EYS: variants seen among roughly 807,000 people sequenced by gnomAD.
EYS encodes the protein protein eyes shut homolog.
Under a neutral mutation model 282.1 loss-of-function variants are expected in EYS, and 250 were observed. The observed-to-expected ratio is 0.89, with a 90% confidence interval of 0.80 to 0.98. The LOEUF is 0.98. Ranked by LOEUF, EYS falls within the 50% of genes least tolerant of loss-of-function variation. The probability of loss-of-function intolerance (pLI) is 0.00; values close to 1 mark genes in which losing one functional copy is unlikely to be tolerated. For synonymous variants in EYS, 1,355 were observed against 1,282.9 expected, an observed-to-expected ratio of 1.06 and a Z score of -1.20; for missense variants, 4,016 against 3,709.0, an observed-to-expected ratio of 1.08 and a Z score of -2.15.
intron 31 of EYS, among the ~76,000 whole-genome samples, chr6:64,201,365 T>G (rs1765456833): frequency 6.6e-6 from 1 of 152,100 alleles, no homozygotes; most frequent in Admixed American, 6.6e-5. Context: ...TGGGGCAAAA[T>G]AGTGAGCTAT....
chr6:65,259,854 C>G (rs1767571293), intron 12 of EYS, among the ~76,000 whole-genome samples: 2 of 152,100 alleles, frequency 1.3e-5, no homozygotes, highest in Admixed American at 1.3e-4. Flanking sequence ...CATAGTGACA[C>G]TCCAGTTCTG....
In EYS at chr6:64,436,233, A is replaced by G; in HGVS notation, c.5868T>C (p.Phe1956=). 1 of 1,544,276 alleles carries G rather than the reference A, an allele frequency of 6.5e-7. No individual in the cohort carries two copies. Among genetic ancestry groups the G allele is most frequent in the Non-Finnish European group, 8.8e-7 (1 of 1,142,324 alleles). ...CTCTAACAGTAGTATTAATGCTTTT[A>G]AATTTTGCTTCACCAGGACAGTAAA... ...YHFYCPGEAK[F]KSINTTVRVD... Residue 1956 remains phenylalanine (F), a synonymous_variant, in exon 28 of 43, where the codon TTT becomes TTC. Transcript: ENST00000503581.
intron 2 of EYS, among the ~76,000 whole-genome samples, chr6:65,567,615 C>A (rs1582465102): frequency 1.3e-5 from 2 of 152,100 alleles, no homozygotes; most frequent in East Asian, 3.9e-4. Flanking sequence ...GGAAATGTAT[C>A]ATTATTTTAT....
At chr6:63,905,319 CTT>C (rs1217913218) in intron 35 of EYS, among the ~76,000 whole-genome samples, 1 of 132,820 alleles carries the variant, frequency 7.5e-6, no homozygotes, top group Non-Finnish European at 1.6e-5. Context: ...AAGGGGATTT[CTT>C]TTTTTTTCTT....
chr6:64,541,741 G>T (rs1303906199), intron 26 of EYS, among the ~76,000 whole-genome samples: 1 of 152,058 alleles, frequency 6.6e-6, no homozygotes, highest in Non-Finnish European at 1.5e-5. Context: ...ATCCTACTGA[G>T]ACATCATTTC....
At chr6:65,383,543 G>T (rs1765693745) in intron 8 of EYS, among the ~76,000 whole-genome samples, 5 of 150,276 alleles carry the variant, frequency 3.3e-5, no homozygotes, top group Non-Finnish European at 1.5e-5. Context: ...CTATCTTCAT[G>T]TTGTATTTAT....
chr6:65,232,959 C>G (rs144710685), intron 12 of EYS, among the ~76,000 whole-genome samples: 254 of 152,194 alleles, frequency 1.7e-3, no homozygotes, highest in African/African-American at 5.7e-3. Context: ...TCACATGTGT[C>G]AGTACTATTA....
At chr6:64,431,279 A>C (rs924252579) in intron 28 of EYS, among the ~76,000 whole-genome samples, 1 of 151,978 alleles carries the variant, frequency 6.6e-6, no homozygotes, top group Admixed American at 6.6e-5. Context: ...TCTATGCCCA[A>C]ATTTTCTCTT....
chr6:63,875,798 C>A (rs998220216), intron 35 of EYS, among the ~76,000 whole-genome samples: 1 of 152,180 alleles, frequency 6.6e-6, no homozygotes, highest in Non-Finnish European at 1.5e-5. Context: ...GTGTGTATTT[C>A]CATGGGATCG....
intron 12 of EYS, among the ~76,000 whole-genome samples, chr6:65,215,707 G>A (rs1446193707): frequency 5.3e-5 from 8 of 152,116 alleles, no homozygotes; most frequent in South Asian, 4.1e-4. Context: ...ACTGTGCACC[G>A]ATGTGGTAAA....
At position 64,436,276 on chromosome 6, in the gene EYS, A is replaced by G. The variant is rs768963198; in HGVS notation, c.5836-11T>C. ...ACAGTAAAAGTGGTACTGTTGGGGG[A>G]AAAAATTTTGTCCTCAAACAGTTTT... is the stretch of plus-strand genomic sequence containing the variant. On this transcript the variant is annotated splice_polypyrimidine_tract_variant and intron_variant, in intron 27 of 42. Coordinates refer to ENST00000503581, the MANE Select transcript of EYS (RefSeq NM_001142800.2). 71 of 1,504,248 alleles carry G rather than the reference A, an allele frequency of 4.7e-5. 2 individuals carry two copies. In the South Asian group the frequency reaches 8.7e-4, roughly 18 times the overall value. The allele number at this position is 1,504,248 out of a possible 1,614,324, so 93.2% of individuals were successfully genotyped here. A position where few individuals can be genotyped will look rare whatever the true frequency, so the allele number is the denominator to read the frequency against.
chr6:64,385,864 T>C (rs2150422863), intron 29 of EYS, among the ~76,000 whole-genome samples: 2 of 152,354 alleles, frequency 1.3e-5, no homozygotes, highest in East Asian at 3.9e-4. Context: ...GATGCTTCTT[T>C]TTCCATCTTT....
intron 31 of EYS, among the ~76,000 whole-genome samples, chr6:64,143,811 A>G (rs1489990687): frequency 6.6e-6 from 1 of 152,240 alleles, no homozygotes; most frequent in Non-Finnish European, 1.5e-5. Flanking sequence ...TTTCTGGTAT[A>G]TATATAGTCA....
intron 28 of EYS, among the ~76,000 whole-genome samples, chr6:64,423,908 CTT>C (rs1274677999): frequency 6.6e-6 from 1 of 152,142 alleles, no homozygotes; most frequent in African/African-American, 2.4e-5. Context: ...TGTATATAAA[CTT>C]AATATGAACA....
intron 1 of EYS, among the ~76,000 whole-genome samples, chr6:65,661,966 A>C (rs1429609597): frequency 6.6e-6 from 1 of 152,118 alleles, no homozygotes; most frequent in African/African-American, 2.4e-5. Context: ...GAAGGAGGTT[A>C]CTTAAAAGGC....
At chr6:64,654,257 T>G (rs577209794) in intron 22 of EYS, among the ~76,000 whole-genome samples, 68 of 152,320 alleles carry the variant, frequency 4.5e-4, no homozygotes, top group African/African-American at 1.6e-3. Context: ...GTCTAATAAA[T>G]TAATGATACC....
chr6:64,517,895 A>G (rs1777613900), intron 26 of EYS, among the ~76,000 whole-genome samples: 1 of 151,798 alleles, frequency 6.6e-6, no homozygotes, highest in Admixed American at 6.6e-5. Context: ...AAACATGAAA[A>G]TAACTTACTT....
At chr6:65,208,718 C>T (rs970025184) in intron 12 of EYS, among the ~76,000 whole-genome samples, 2 of 151,138 alleles carry the variant, frequency 1.3e-5, no homozygotes, top group African/African-American at 2.4e-5. Flanking sequence ...CAGTACCACA[C>T]CTTCTCACTT....
At chr6:64,826,682 G>GTATA (rs3065326) in intron 19 of EYS, among the ~76,000 whole-genome samples, 263 of 144,360 alleles carry the variant, frequency 1.8e-3, no homozygotes, top group South Asian at 3.9e-3. Flanking sequence ...ATGATTTTAT[G>GTATA]TATATATATA....
Sources: gnomAD v4.1 joint callset for allele counts (sites outside exome capture counted in the v4.1 genomes callset) on GRCh38, gnomAD v4.1.1 for gene constraint, MANE v1.5 for transcripts, NCBI Gene and HGNC (gene_info 2026-07-23, HGNC 2026-07-21) for gene names.